Variants in MDFIC2 observed in about 807,000 individuals in gnomAD.
MDFIC2 encodes the protein MyoD family inhibitor domain containing 2.
chr3:70,226,280 C>T (rs1429506301), intron 2 of MDFIC2, among the ~76,000 whole-genome samples: 2 of 152,148 alleles, frequency 1.3e-5, no homozygotes, highest in Admixed American at 1.3e-4. Flanking sequence ...GGAATTTGCT[C>T]TTCAATGTGT....
intron 2 of MDFIC2, among the ~76,000 whole-genome samples, chr3:70,223,940 G>T (rs1374542250): frequency 6.6e-6 from 1 of 151,384 alleles, no homozygotes; most frequent in African/African-American, 2.4e-5. Context: ...CCACCCTTTT[G>T]GTTTTGTTTC....
intron 2 of MDFIC2, among the ~76,000 whole-genome samples, chr3:70,216,796 G>A (rs1250330513): frequency 1.3e-5 from 2 of 152,040 alleles, no homozygotes; most frequent in Non-Finnish European, 2.9e-5. Context: ...GCCCCCCAAG[G>A]GAATGGATAT....
chr3:70,286,620 A>G lies in MDFIC2; in HGVS notation c.88+25266T>C, dbSNP rs989717040. Among the ~76,000 whole-genome samples, 180 of 151,952 alleles carry G rather than the reference A, an allele frequency of 1.2e-3. 1 individual carries two copies. Among genetic ancestry groups the G allele is most frequent in the East Asian group, 9.9e-3 (51 of 5,156 alleles). On this transcript the variant is annotated intron_variant, in intron 2 of 3. Transcript: ENST00000567252. Reference sequence around the variant, plus strand: ...GAAAGTCATTGGTAGCTTGATGGGGATGGCATTGAATCTGTAAATTACCTT... The same window carrying G: ...GAAAGTCATTGGTAGCTTGATGGGGGTGGCATTGAATCTGTAAATTACCTT...
At chr3:70,229,270 G>A (rs1701536892) in intron 2 of MDFIC2, among the ~76,000 whole-genome samples, 1 of 152,212 alleles carries the variant, frequency 6.6e-6, no homozygotes, top group Admixed American at 6.5e-5. Context: ...GGGTGAGTGT[G>A]TGAAAGAATT....
intron 2 of MDFIC2, among the ~76,000 whole-genome samples, chr3:70,221,692 A>G (rs1221856541): frequency 1.3e-5 from 2 of 152,180 alleles, no homozygotes; most frequent in Non-Finnish European, 2.9e-5. Flanking sequence ...CAAGGTTCAA[A>G]TGGAAGGGGA....
intron 2 of MDFIC2, among the ~76,000 whole-genome samples, chr3:70,290,152 C>T (rs554214747): frequency 2.6e-4 from 39 of 152,086 alleles, no homozygotes; most frequent in Non-Finnish European, 4.6e-4. Flanking sequence ...TTTAGAGTTT[C>T]CAGTTTTTCT....
chr3:70,296,523 T>G (rs1575619157), intron 2 of MDFIC2, among the ~76,000 whole-genome samples: 1 of 152,294 alleles, frequency 6.6e-6, no homozygotes, highest in East Asian at 1.9e-4. Flanking sequence ...AAAAAATCAT[T>G]TGGTTACTTA....
Position 70,285,573 on chromosome 3 carries a change from A to T in MDFIC2, c.88+26313T>A, listed in dbSNP as rs1313835244. 1.4e-4 allele frequency among the ~76,000 whole-genome samples: 21 copies of T among 152,068 alleles called. No individual in the cohort carries two copies. The East Asian group carries it at 4.1e-3, about 30-fold the overall frequency. Reference sequence around the variant, plus strand: ...TTTATAGTCCTTTGGGTATATACCCAGTAATGGGATGGCTGTGTCAAATGG... The same window carrying T: ...TTTATAGTCCTTTGGGTATATACCCTGTAATGGGATGGCTGTGTCAAATGG... On this transcript the variant is annotated intron_variant, in intron 2 of 3. Coordinates refer to ENST00000567252, the MANE Select transcript of MDFIC2 (RefSeq NM_001364677.1).
chr3:70,286,893 T>A (rs7615220), intron 2 of MDFIC2, among the ~76,000 whole-genome samples: 10,032 of 151,996 alleles, frequency 0.066, 899 homozygotes, highest in East Asian at 0.48. Context: ...CTTGTGATTT[T>A]TGTACATTGA....
At chr3:70,304,863 A>G (rs1288871399) in intron 2 of MDFIC2, among the ~76,000 whole-genome samples, 3 of 152,114 alleles carry the variant, frequency 2.0e-5, no homozygotes, top group Admixed American at 1.3e-4. Flanking sequence ...ATTATTTCCA[A>G]TTTAAGCACC....
chr3:70,283,584 A>T (rs1702110603), intron 2 of MDFIC2: 1 of 152,052 alleles, frequency 6.6e-6, no homozygotes, highest in Admixed American at 6.6e-5. Context: ...CTATACAATG[A>T]GCTTGGTTGT....
At chr3:70,268,850 A>G (rs892467404) in intron 2 of MDFIC2, among the ~76,000 whole-genome samples, 1 of 152,194 alleles carries the variant, frequency 6.6e-6, no homozygotes, top group Non-Finnish European at 1.5e-5. Context: ...TGTATCAATA[A>G]ATTTATAAAA....
chr3:70,294,075 T>C (rs914382475), intron 2 of MDFIC2, among the ~76,000 whole-genome samples: 1 of 152,136 alleles, frequency 6.6e-6, no homozygotes, highest in Non-Finnish European at 1.5e-5. Flanking sequence ...TATAAAGACA[T>C]GGCCATGTTT....
intron 2 of MDFIC2, among the ~76,000 whole-genome samples, chr3:70,256,790 C>G (rs11923329): frequency 0.25 from 37,980 of 152,052 alleles, 4,738 homozygotes; most frequent in South Asian, 0.3. Flanking sequence ...TAAGAGTTCT[C>G]TAAACATATG....
chr3:70,269,628 T>C (rs148693525), intron 2 of MDFIC2, among the ~76,000 whole-genome samples: 85 of 152,310 alleles, frequency 5.6e-4, no homozygotes, highest in African/African-American at 2.0e-3. Flanking sequence ...TTCAATTAAA[T>C]TATGTTAATT....
chr3:70,294,982 C>A (rs545646120), intron 2 of MDFIC2, among the ~76,000 whole-genome samples: 1 of 152,276 alleles, frequency 6.6e-6, no homozygotes, highest in Non-Finnish European at 1.5e-5. Flanking sequence ...AAAACCTTTA[C>A]TAGAAGCCCC....
At chr3:70,278,868 A>T (rs1485026979) in intron 2 of MDFIC2, among the ~76,000 whole-genome samples, 1 of 151,988 alleles carries the variant, frequency 6.6e-6, no homozygotes, top group Non-Finnish European at 1.5e-5. Flanking sequence ...TTGTAAAAAC[A>T]AATGAAATAA....
rs1383428005 is a variant in MDFIC2 at position 70,274,088 on chromosome 3, TGTGC to T, written c.88+37794_88+37797del. On this transcript the variant is annotated intron_variant, in intron 2 of 3. Coordinates refer to ENST00000567252, the MANE Select transcript of MDFIC2 (RefSeq NM_001364677.1). ...GTGTGTGTGTGTGTGTGTGTGTGTG[TGTGC>T]GCGCGCGCATGTGTGTGTGTGAGAC... Among the ~76,000 whole-genome samples the T allele has an allele frequency of 7.4e-3, 1,085 of 146,306 alleles. 4 individuals are homozygous for T. Among genetic ancestry groups the T allele is most frequent in the African/African-American group, 0.016 (610 of 38,076 alleles).
At position 70,311,894 on chromosome 3, in the gene MDFIC2, A is replaced by T. The variant is rs1702457061; in HGVS notation, c.80T>A (p.Leu27Ter). 2.5e-6 allele frequency: 1 copy of T among 397,718 alleles called. No homozygotes were observed. The highest frequency in any genetic ancestry group is 2.1e-5 in the African/African-American group (1 of 48,604). 24.6% of individuals were successfully genotyped at this position (397,718 alleles called of 1,614,324 possible). The change falls in exon 2 of 4, where the codon TTG (leucine) becomes TAG (stop). Residue 27 changes from leucine to a stop codon, truncating the protein, a stop_gained. Transcript: ENST00000567252. LOFTEE classifies it high-confidence loss of function. The stretch of plus-strand genomic sequence containing the variant: ...AGAGCAAGAAGACTTACCTTCTTTC[A>T]ACCAAGAAATGTTATTTTTATCATT... ...LENDKNNISWLKEDTQLTNAK... is the reference protein window; with the variant it reads ...LENDKNNISW
Sources: allele counts gnomAD v4.1 joint callset (sites outside exome capture counted in the v4.1 genomes callset), GRCh38; gene constraint gnomAD v4.1.1; transcripts MANE v1.5; gene names NCBI Gene and HGNC (gene_info 2026-07-23, HGNC 2026-07-21).